The following PTK2 variants were observed in gnomAD, a reference collection of about 807,000 sequenced individuals.
PTK2 encodes the protein focal adhesion kinase 1.
PTK2 carries 45 observed loss-of-function variants against 150.1 expected under a neutral mutation model. The ratio of observed to expected loss-of-function variants is 0.30; its 90% confidence interval spans 0.24 to 0.38. The LOEUF is 0.38. Ranked by LOEUF, PTK2 falls within the 10% of genes least tolerant of loss-of-function variation. The pLI, the probability that PTK2 is intolerant of heterozygous loss-of-function variation, is 1.00. For missense variants in PTK2, 919 were observed against 1,307.3 expected (o/e 0.70, Z 4.58); for synonymous variants, 432 against 449.2 (o/e 0.96, Z 0.48).
intron 23 of PTK2, among the ~76,000 whole-genome samples, chr8:140,712,861 T>C (rs891113103): frequency 1.3e-5 from 2 of 152,214 alleles, no homozygotes; most frequent in African/African-American, 4.8e-5. Flanking sequence ...TAACAAACAG[T>C]TGTTTTCTTC....
intron 7 of PTK2, among the ~76,000 whole-genome samples, chr8:140,840,087 C>G (rs543599048): frequency 6.6e-6 from 1 of 152,336 alleles, no homozygotes; most frequent in Admixed American, 6.5e-5. Context: ...TAAGCAAGGT[C>G]TTCCTCTGTT....
intron 27 of PTK2, among the ~76,000 whole-genome samples, chr8:140,681,720 T>G (rs961871141): frequency 1.3e-5 from 2 of 151,946 alleles, no homozygotes; most frequent in African/African-American, 4.8e-5. Context: ...GAGCTTGCCG[T>G]GAGCCGAGAT....
chr8:140,773,104 A>T (rs1347486492), intron 14 of PTK2, among the ~76,000 whole-genome samples: 1 of 152,228 alleles, frequency 6.6e-6, no homozygotes, highest in East Asian at 1.9e-4. Context: ...GTTCATTTCT[A>T]AACTGGACTG....
At chr8:141,001,165 G>A (rs1490581258) in exon 1 of PTK2, 1 of 150,988 alleles carries the variant, frequency 6.6e-6, no homozygotes, top group Non-Finnish European at 1.5e-5. Flanking sequence ...GGCAGACGAC[G>A]ACGGGGCGGC....
intron 1 of PTK2, among the ~76,000 whole-genome samples, chr8:140,970,807 C>T (rs923758002): frequency 1.3e-5 from 2 of 152,058 alleles, no homozygotes; most frequent in African/African-American, 2.4e-5. Context: ...CCCTAAATGG[C>T]TCTCCATCTT....
At chr8:140,792,723 T>C (rs28557096) in intron 13 of PTK2, among the ~76,000 whole-genome samples, 3,695 of 152,284 alleles carry the variant, frequency 0.024, 160 homozygotes, top group African/African-American at 0.085. Context: ...GGCCTCACCC[T>C]CTCTATTCCA....
intron 8 of PTK2, among the ~76,000 whole-genome samples, chr8:140,819,782 C>T (rs895023290): frequency 6.6e-6 from 1 of 152,184 alleles, no homozygotes; most frequent in African/African-American, 2.4e-5. Flanking sequence ...GATGCTTTTG[C>T]TTTTTTCATG....
At chr8:140,944,651 G>A (rs2100177050) in intron 1 of PTK2, among the ~76,000 whole-genome samples, 1 of 152,192 alleles carries the variant, frequency 6.6e-6, no homozygotes, top group South Asian at 2.1e-4. Context: ...CTGAATCACA[G>A]TGCAAATAAA....
intron 5 of PTK2, among the ~76,000 whole-genome samples, chr8:140,854,810 C>T (rs1304026444): frequency 6.6e-6 from 1 of 152,016 alleles, no homozygotes; most frequent in African/African-American, 2.4e-5. Flanking sequence ...TTCCTCATGA[C>T]CCCACCCAAA....
chr8:140,973,863 C>T (rs185856197), intron 1 of PTK2, among the ~76,000 whole-genome samples: 45 of 152,324 alleles, frequency 3.0e-4, no homozygotes, highest in African/African-American at 1.0e-3. Flanking sequence ...TAGGTTTTCA[C>T]TTTTGACTTC....
intron 1 of PTK2, among the ~76,000 whole-genome samples, chr8:140,969,942 T>C (rs1181044302): frequency 1.3e-5 from 2 of 152,240 alleles, no homozygotes; most frequent in African/African-American, 2.4e-5. Context: ...GGGCAACTCG[T>C]GCAAGACTGG....
chr8:140,724,167 A>G (rs894635149), intron 22 of PTK2, among the ~76,000 whole-genome samples: 6 of 152,248 alleles, frequency 3.9e-5, no homozygotes, highest in Non-Finnish European at 7.3e-5. Flanking sequence ...GAGTTATGCA[A>G]TTCCAGAGGA....
chr8:140,880,334 G>A, intron 3 of PTK2, among the ~76,000 whole-genome samples: 1 of 152,156 alleles, frequency 6.6e-6, no homozygotes, highest in Non-Finnish European at 1.5e-5. Context: ...CCTAGAGATG[G>A]TGAAATTTCT....
rs2100194843 is a variant in PTK2 at position 140,989,546 on chromosome 8, A to C, written c.-122+11579T>G. Among the ~76,000 whole-genome samples, 6 of 151,958 alleles carry C rather than the reference A, an allele frequency of 3.9e-5. No homozygotes were observed. In the South Asian group the frequency reaches 1.0e-3, roughly 26 times the overall value. ...TAATGAATTTAAAAAAAAAAAAAGA[A>C]GACCTAATAGAAAAATACAGGCACT... On this transcript the variant is annotated intron_variant, in intron 1 of 31. Transcript: ENST00000522684.
chr8:140,810,171 A>G (rs2154601025), intron 10 of PTK2, among the ~76,000 whole-genome samples: 1 of 152,302 alleles, frequency 6.6e-6, no homozygotes, highest in South Asian at 2.1e-4. Context: ...CTCAACTACT[A>G]CGGACACTTG....
rs77145968 is a variant in PTK2 at position 140,766,770 on chromosome 8, C to A, written c.1178-2480G>T. On this transcript the variant is annotated intron_variant, in intron 14 of 31. Transcript: ENST00000522684. ...AAGTGAATGGTAGAGCTGCAATACACGTGACAAAATACACAAGCCCATTTG... is the reference window on the plus strand; with the variant it reads ...AAGTGAATGGTAGAGCTGCAATACAAGTGACAAAATACACAAGCCCATTTG... Among the ~76,000 whole-genome samples the A allele has an allele frequency of 1.4e-4, 21 of 152,310 alleles. 1 individual carries two copies. The South Asian group carries it at 4.4e-3, about 32-fold the overall frequency.
At chr8:140,698,297 T>A (rs2100028077) in intron 26 of PTK2, among the ~76,000 whole-genome samples, 1 of 152,164 alleles carries the variant, frequency 6.6e-6, no homozygotes, top group Admixed American at 6.5e-5. Flanking sequence ...ATTTATAATA[T>A]CTACTTTTAA....
chr8:140,888,201 A>G (rs981112642), intron 3 of PTK2, among the ~76,000 whole-genome samples: 3 of 152,182 alleles, frequency 2.0e-5, no homozygotes, highest in African/African-American at 7.2e-5. Context: ...CTGTATCCAT[A>G]ATGTTCCTTT....
At chr8:140,813,206 T>A (rs1449734106) in intron 10 of PTK2, among the ~76,000 whole-genome samples, 2 of 152,092 alleles carry the variant, frequency 1.3e-5, no homozygotes, top group Non-Finnish European at 2.9e-5. Context: ...CATGGCCAAA[T>A]TAGAAATCAT....
Sources: gnomAD v4.1 joint callset for allele counts (sites outside exome capture counted in the v4.1 genomes callset) on GRCh38, gnomAD v4.1.1 for gene constraint, MANE v1.5 for transcripts, NCBI Gene and HGNC (gene_info 2026-07-23, HGNC 2026-07-21) for gene names.